CLCA2: variants seen among roughly 807,000 people sequenced by gnomAD.
CLCA2 encodes the protein chloride channel accessory 2, also known as calcium-activated chloride channel regulator 2.
CLCA2 carries 85 observed loss-of-function variants against 82.9 expected under a neutral mutation model. The ratio of observed to expected loss-of-function variants is 1.03; its 90% CI spans 0.86 to 1.23. The LOEUF (loss-of-function observed/expected upper bound fraction) is 1.23, where lower values mean the gene tolerates loss of function less well. Ranked by LOEUF, CLCA2 falls within the 50% of genes most tolerant of loss-of-function variation. CLCA2 has a pLI of 0.00. For missense variants in CLCA2, 1,089 were observed against 1,124.8 expected, an observed-to-expected ratio of 0.97 and a Z score of 0.45; for synonymous variants, 421 against 391.7, an observed-to-expected ratio of 1.07 and a Z score of -0.88.
At chr1:86,425,593 G>C in intron 2 of CLCA2, 117 bp downstream of exon 2, 3 of 747,818 alleles carry the variant, frequency 4.0e-6, no homozygotes, top group Non-Finnish European at 5.7e-6. Flanking sequence ...TATTAACAAT[G>C]CAAATAATAT....
Position 86,439,031 on chromosome 1 carries a change from G to A in CLCA2, c.1128G>A (p.Leu376=), listed in dbSNP as rs1307408068. 5.6e-6 allele frequency: 9 copies of A among 1,613,976 alleles called. No individual in the cohort carries two copies. Among genetic ancestry groups the A allele is most frequent in the African/African-American group, 2.7e-5 (2 of 74,914 alleles). ...ACAGCAATGATGATCGAAAGTTGCT[G>A]GTTTCATATCTGCCCACCACTGTAT... ...QINSNDDRKL[L]VSYLPTTVSA... Residue 376 remains leucine (L), a synonymous_variant, in exon 7 of 14, where the codon CTG becomes CTA. Coordinates refer to ENST00000370565, the MANE Select transcript of CLCA2 (RefSeq NM_006536.7).
chr1:86,434,501 A>C lies in CLCA2; in HGVS notation c.745-17A>C. 1 of 1,604,560 alleles carries C rather than the reference A, an allele frequency of 6.2e-7. No homozygotes were observed. The highest frequency in any genetic ancestry group is 8.5e-7 in the Non-Finnish European group (1 of 1,171,510). On this transcript the variant is annotated splice_polypyrimidine_tract_variant and intron_variant, in intron 5 of 13. Transcript: ENST00000370565. Reference sequence around the variant, plus strand: ...GGAGAAGTGCCTCTCTTTATTAAAGACTGTTTTTATTTCCAGGTGGTTGAA... The same window carrying C: ...GGAGAAGTGCCTCTCTTTATTAAAGCCTGTTTTTATTTCCAGGTGGTTGAA...
chr1:86,441,491 C>G lies in CLCA2; in HGVS notation c.1436C>G (p.Ala479Gly). The change falls in exon 9 of 14, where the codon GCT becomes GGT. Residue 479 changes from alanine (A) to glycine (G), a missense_variant. Ala to Gly is a moderately conservative substitution (Grantham distance 60). Transcript: ENST00000370565. Reference protein sequence around the residue: ...DISNSNSMIDAFSRISSGTGD... With the variant: ...DISNSNSMIDGFSRISSGTGD... ...TCAAACTCCAATAGCATGATTGATG[C>G]TTTCAGTAGAATTTCCTCTGGAACT... 1 of 1,612,118 alleles carries G rather than the reference C, an allele frequency of 6.2e-7. No homozygotes were observed. Among genetic ancestry groups the G allele is most frequent in the Non-Finnish European group, 8.5e-7 (1 of 1,178,616 alleles).
chr1:86,452,176 CTTTTTTTTTTTTT>C (rs753484167), intron 12 of CLCA2, among the ~76,000 whole-genome samples: 1 of 43,946 alleles, frequency 2.3e-5, no homozygotes, highest in Non-Finnish European at 4.0e-5. Flanking sequence ...AACCTGGAAG[CTTTTTTTTTTTTT>C]TTTTTTTTTT....
intron 2 of CLCA2, among the ~76,000 whole-genome samples, chr1:86,426,407 T>C (rs1367402302): frequency 1.3e-5 from 2 of 152,162 alleles, no homozygotes; most frequent in African/African-American, 4.8e-5. Context: ...CCTTCAAAGC[T>C]ACTCTGTCAG....
At chr1:86,449,871 G>A (rs959619983) in intron 11 of CLCA2, among the ~76,000 whole-genome samples, 1 of 152,170 alleles carries the variant, frequency 6.6e-6, no homozygotes, top group African/African-American at 2.4e-5. Context: ...TTTTGGCTTG[G>A]AATTGAACTG....
At chr1:86,445,966 A>G (rs1662843955) in intron 10 of CLCA2, among the ~76,000 whole-genome samples, 1 of 152,102 alleles carries the variant, frequency 6.6e-6, no homozygotes, top group African/African-American at 2.4e-5. Flanking sequence ...TATGCAGAAA[A>G]CCCAAAAGGT....
intron 3 of CLCA2, among the ~76,000 whole-genome samples, chr1:86,430,070 C>A (rs1432789419): frequency 2.6e-5 from 4 of 151,912 alleles, no homozygotes; most frequent in Non-Finnish European, 4.4e-5. Flanking sequence ...CAACTCAGCA[C>A]ACACTTCCTG....
chr1:86,431,079 C>A, intron 4 of CLCA2, 109 bp downstream of exon 4: 1 of 710,008 alleles, frequency 1.4e-6, no homozygotes, highest in Non-Finnish European at 2.3e-6. Context: ...TTAATTGCAG[C>A]TAAAACTTAG....
intron 13 of CLCA2, among the ~76,000 whole-genome samples, chr1:86,454,061 A>G (rs1415103206): frequency 3.9e-5 from 6 of 152,222 alleles, no homozygotes; most frequent in Non-Finnish European, 8.8e-5. Context: ...GCCTGGGACC[A>G]GTCCCCTGAT....
chr1:86,449,375 A>G lies in CLCA2; in HGVS notation c.1985-1188A>G, dbSNP rs1388195849. Reference sequence around the variant, plus strand: ...TTCAAATTAATTCCTCTGTCTCCCAAGCCAATGTTCTTTCCCCATTTCTTT... The same window carrying G: ...TTCAAATTAATTCCTCTGTCTCCCAGGCCAATGTTCTTTCCCCATTTCTTT... On this transcript the variant is annotated intron_variant, in intron 11 of 13. Coordinates refer to ENST00000370565, the MANE Select transcript of CLCA2 (RefSeq NM_006536.7). Among the ~76,000 whole-genome samples the G allele has an allele frequency of 2.0e-5, 3 of 152,198 alleles. No individual in the cohort carries two copies. In the East Asian group the frequency reaches 5.8e-4, roughly 29 times the overall value.
chr1:86,425,288 C>T (rs754555450), intron 1 of CLCA2, 51 bp from the exon 2 acceptor site: 8 of 1,399,532 alleles, frequency 5.7e-6, no homozygotes, highest in Non-Finnish European at 7.7e-6. Context: ...AAAACCAAAA[C>T]ATACAGGATT....
rs2101700810 is a variant in CLCA2, at chr1:86,439,099, G to A, written c.1196G>A (p.Gly399Glu). The A allele has an allele frequency of 1.9e-6, 3 of 1,613,758 alleles. No individual in the cohort carries two copies. The highest frequency in any genetic ancestry group is 1.3e-5 in the African/African-American group (1 of 75,036). The change falls in exon 7 of 14, where the codon GGA becomes GAA. Residue 399 changes from glycine (G) to glutamate (E), a missense_variant. Transcript: ENST00000370565. ...AGCATTTGTTCAGGGCTTAAGAAAG[G>A]ATTTGAGGTACAGTAGAGCATCCTA... ...DISICSGLKK[G>E]FEVVEKLNGK...
Position 86,453,614 on chromosome 1 carries a change from C to G in CLCA2, c.2389+12C>G. ...TGATCAGGGCCAGGGTAGGTTTGCT[C>G]ATTTCATTACCTATTTTTCCATAAG... On this transcript the variant is annotated intron_variant, in intron 13 of 13. Coordinates refer to ENST00000370565, the MANE Select transcript of CLCA2 (RefSeq NM_006536.7). 1.2e-6 allele frequency: 2 copies of G among 1,602,330 alleles called. No individual in the cohort carries two copies. The highest frequency in any genetic ancestry group is 1.7e-6 in the Non-Finnish European group (2 of 1,171,146).
chr1:86,454,813 A>G (rs112167447), intron 13 of CLCA2, among the ~76,000 whole-genome samples: 39 of 152,220 alleles, frequency 2.6e-4, no homozygotes, highest in African/African-American at 9.1e-4. Context: ...AACAAAAACA[A>G]AAACAAAAAC....
At chr1:86,450,524 T>C in intron 11 of CLCA2, 39 bp from the exon 12 acceptor site, 1 of 1,499,552 alleles carries the variant, frequency 6.7e-7, no homozygotes, top group Non-Finnish European at 9.1e-7. Context: ...TAATCTACTA[T>C]AATAACAAGT....
At chr1:86,449,129 A>G (rs748576443) in intron 11 of CLCA2, among the ~76,000 whole-genome samples, 7 of 152,264 alleles carry the variant, frequency 4.6e-5, no homozygotes, top group Non-Finnish European at 7.3e-5. Context: ...ATAGTTGTTT[A>G]ATACTTTTAT....
intron 11 of CLCA2, 78 bp downstream of exon 11, chr1:86,447,856 T>G: frequency 7.0e-7 from 1 of 1,425,846 alleles, no homozygotes; most frequent in Non-Finnish European, 9.4e-7. Flanking sequence ...AATATTAAGC[T>G]TATCTGTAAG....
At chr1:86,450,828 A>G (rs1363347514) in intron 12 of CLCA2, 95 bp downstream of exon 12, 2 of 1,143,774 alleles carry the variant, frequency 1.7e-6, no homozygotes, top group Non-Finnish European at 2.4e-6. Flanking sequence ...AGTGAGAGAA[A>G]GAGAGAATTT....
Sources: gnomAD v4.1 joint callset for allele counts (sites outside exome capture counted in the v4.1 genomes callset) on GRCh38, gnomAD v4.1.1 for gene constraint, MANE v1.5 for transcripts, NCBI Gene and HGNC (gene_info 2026-07-23, HGNC 2026-07-21) for gene names.